Variants in DCC observed in about 807,000 individuals in gnomAD.
DCC encodes the protein netrin receptor DCC.
In DCC, 58 loss-of-function variants were observed where a neutral mutation model predicts 172.5. The observed-to-expected ratio is 0.34, with a 90% confidence interval of 0.27 to 0.42. The LOEUF (loss-of-function observed/expected upper bound fraction) is 0.42. Among genes scored for constraint, DCC ranks in the 10% least tolerant of loss-of-function variants. DCC has a pLI of 1.00. For missense variants in DCC, 1,740 were observed against 1,791.0 expected (o/e 0.97, Z 0.51); for synonymous variants, 709 against 644.5 (o/e 1.10, Z -1.52).
At chr18:52,509,291 A>G (rs1254642675) in intron 1 of DCC, among the ~76,000 whole-genome samples, 2 of 152,170 alleles carry the variant, frequency 1.3e-5, no homozygotes, top group Non-Finnish European at 2.9e-5. Context: ...TAATATTTTG[A>G]TAATTTAGGT....
intron 1 of DCC, among the ~76,000 whole-genome samples, chr18:52,468,199 T>C (rs1466719552): frequency 1.3e-5 from 2 of 152,116 alleles, no homozygotes; most frequent in Non-Finnish European, 2.9e-5. Context: ...ATAATCAAAA[T>C]ATGAAACAAT....
chr18:53,385,021 CTTTTTTTTTTTT>C (rs35779527), intron 15 of DCC, among the ~76,000 whole-genome samples: 4 of 131,044 alleles, frequency 3.1e-5, no homozygotes, highest in African/African-American at 5.8e-5. Context: ...TAATTTTTTT[CTTTTTTTTTTTT>C]TTTTTGTATT....
At chr18:53,385,708 A>G (rs1189951595) in intron 15 of DCC, among the ~76,000 whole-genome samples, 1 of 152,210 alleles carries the variant, frequency 6.6e-6, no homozygotes, top group African/African-American at 2.4e-5. Context: ...GATGCAGACA[A>G]CAAACAGATG....
At chr18:53,161,706 C>G (rs28679630) in intron 8 of DCC, among the ~76,000 whole-genome samples, 61,154 of 151,904 alleles carry the variant, frequency 0.4, 13,228 homozygotes, top group East Asian at 0.71. Flanking sequence ...AGAGTTCCCC[C>G]CACTTTTGAA....
intron 1 of DCC, among the ~76,000 whole-genome samples, chr18:52,354,981 C>G (rs1451849087): frequency 3.3e-5 from 5 of 152,110 alleles, no homozygotes; most frequent in Non-Finnish European, 5.9e-5. Context: ...ATAGAATTTG[C>G]TATCTCTTTA....
intron 2 of DCC, among the ~76,000 whole-genome samples, chr18:52,790,233 TG>T (rs2145203609): frequency 6.6e-6 from 1 of 152,320 alleles, no homozygotes; most frequent in East Asian, 1.9e-4. Context: ...TTTGTTGGGC[TG>T]GCATGAACAG....
rs2055604391 is a variant in DCC at position 53,205,149 on chromosome 18, G to T, written c.1574-67G>T. On this transcript the variant is annotated intron_variant, in intron 9 of 28. Coordinates refer to ENST00000442544, the MANE Select transcript of DCC (RefSeq NM_005215.4). ...GAACTGTAAAAATGTAATTTTGTTT[G>T]TTTTGAGAACAAAAACCCACTTATC... 2.4e-6 allele frequency: 3 copies of T among 1,268,320 alleles called. No individual in the cohort carries two copies. The South Asian group carries it at 3.6e-5, about 15-fold the overall frequency. 78.6% of individuals were successfully genotyped at this position (1,268,320 alleles called of 1,614,324 possible).
rs943155144 is a variant in DCC, at chr18:53,516,127, G to A, written c.4112-10490G>A. Among the ~76,000 whole-genome samples, 19 of 150,214 alleles carry A rather than the reference G, an allele frequency of 1.3e-4. No homozygotes were observed. In the East Asian group the frequency reaches 3.1e-3, roughly 25 times the overall value. ...ATATAGATCAATGGAACAGAACAGAGCCCTCAGAAATAATGCCGCATATCT... is the reference window on the plus strand; with the variant it reads ...ATATAGATCAATGGAACAGAACAGAACCCTCAGAAATAATGCCGCATATCT... On this transcript the variant is annotated intron_variant, in intron 27 of 28. Transcript: ENST00000442544.
At chr18:52,578,927 G>A (rs746919496) in intron 1 of DCC, among the ~76,000 whole-genome samples, 1 of 152,148 alleles carries the variant, frequency 6.6e-6, no homozygotes, top group Non-Finnish European at 1.5e-5. Flanking sequence ...GTTGCAGTGA[G>A]CCGAGATCAC....
At chr18:53,196,984 T>A (rs1238065438) in intron 9 of DCC, among the ~76,000 whole-genome samples, 3 of 152,072 alleles carry the variant, frequency 2.0e-5, no homozygotes, top group Non-Finnish European at 4.4e-5. Flanking sequence ...GCCTGCAGGC[T>A]TTTTGATGTT....
chr18:53,351,495 G>A (rs1186308074), intron 15 of DCC, among the ~76,000 whole-genome samples: 2 of 79,756 alleles, frequency 2.5e-5, no homozygotes, highest in Admixed American at 1.5e-4. Context: ...TATATAGTGT[G>A]TATATATATA....
intron 2 of DCC, among the ~76,000 whole-genome samples, chr18:52,763,773 CACTT>C (rs1264961003): frequency 1.3e-5 from 2 of 152,184 alleles, no homozygotes; most frequent in Non-Finnish European, 2.9e-5. Flanking sequence ...CTCTGGAAAA[CACTT>C]ATCTACTTCC....
intron 12 of DCC, among the ~76,000 whole-genome samples, chr18:53,229,991 G>A (rs1471261492): frequency 6.6e-6 from 1 of 152,064 alleles, no homozygotes; most frequent in Non-Finnish European, 1.5e-5. Flanking sequence ...TGGCTATCTT[G>A]TTTTGCAAGC....
chr18:53,335,830 G>C (rs534988541), intron 14 of DCC, among the ~76,000 whole-genome samples: 1 of 152,096 alleles, frequency 6.6e-6, no homozygotes, highest in Non-Finnish European at 1.5e-5. Flanking sequence ...TCACAATCAC[G>C]GCAGAAGGTG....
chr18:53,389,472 T>C (rs79032533), intron 16 of DCC, among the ~76,000 whole-genome samples: 2,399 of 152,304 alleles, frequency 0.016, 71 homozygotes, highest in African/African-American at 0.054. Flanking sequence ...TTTATAGCAA[T>C]TTAACACTTG....
In DCC at chr18:53,303,897, G is replaced by A. The variant is rs371820557; in HGVS notation, c.1912-1681G>A. ...CAAATTGAAGGATGGTAAATGTGGG[G>A]GATTTTATTGCCAGATGGAGGTGGC... On this transcript the variant is annotated intron_variant, in intron 12 of 28. Coordinates refer to ENST00000442544, the MANE Select transcript of DCC (RefSeq NM_005215.4). Among the ~76,000 whole-genome samples the A allele has an allele frequency of 9.4e-4, 143 of 152,226 alleles. 1 individual carries two copies. Among genetic ancestry groups the A allele is most frequent in the African/African-American group, 3.0e-3 (126 of 41,542 alleles).
At chr18:52,598,892 G>A (rs2033961243) in intron 1 of DCC, among the ~76,000 whole-genome samples, 1 of 152,158 alleles carries the variant, frequency 6.6e-6, no homozygotes, top group African/African-American at 2.4e-5. Flanking sequence ...TTCCAGAGGG[G>A]TGGAATGCCG....
At chr18:52,664,372 A>G (rs1166619156) in intron 1 of DCC, among the ~76,000 whole-genome samples, 1 of 151,792 alleles carries the variant, frequency 6.6e-6, no homozygotes, top group Admixed American at 6.6e-5. Flanking sequence ...TTTTTTTAAA[A>G]CTCAAGCAAA....
chr18:53,135,785 G>C (rs1490609669), intron 7 of DCC, among the ~76,000 whole-genome samples: 1 of 152,122 alleles, frequency 6.6e-6, no homozygotes, highest in Admixed American at 6.6e-5. Context: ...ACATTTGAGA[G>C]TGATTGAATC....
Sources: gnomAD v4.1 joint callset for allele counts (sites outside exome capture counted in the v4.1 genomes callset) on GRCh38, gnomAD v4.1.1 for gene constraint, MANE v1.5 for transcripts, NCBI Gene and HGNC (gene_info 2026-07-23, HGNC 2026-07-21) for gene names.